Variants in KIRREL3 observed in about 807,000 individuals in gnomAD.
The protein encoded by KIRREL3 is kin of IRRE-like protein 3.
Under a neutral mutation model 89.7 loss-of-function variants are expected in KIRREL3, and 36 were observed. The ratio of observed to expected loss-of-function variants is 0.40; its 90% confidence interval spans 0.31 to 0.53. KIRREL3 has a LOEUF of 0.53. Ranked by LOEUF, KIRREL3 falls within the 20% of genes least tolerant of loss-of-function variation. KIRREL3 has a pLI of 0.49. For missense variants in KIRREL3, 864 were observed against 1,056.6 expected, an observed-to-expected ratio of 0.82 and a Z score of 2.53; for synonymous variants, 445 against 441.4, an observed-to-expected ratio of 1.01 and a Z score of -0.10.
Position 126,703,711 on chromosome 11 carries a change from C to T in KIRREL3, c.56-140799G>A, listed in dbSNP as rs1006889964. On this transcript the variant is annotated intron_variant, in intron 1 of 16. Transcript: ENST00000525144. This position sits in a 1 kb window ranked among gnomAD's most constrained non-coding sequence, Gnocchi z 4.6. ...GGGAGGCAGGACTCCTAAGCCTGGG[C>T]CCTCTGACTGCCTGGGCCAGTGTTT... 1.3e-5 allele frequency among the ~76,000 whole-genome samples: 2 copies of T among 152,150 alleles called. No individual in the cohort carries two copies. The highest frequency in any genetic ancestry group is 6.5e-5 in the Admixed American group (1 of 15,278).
In KIRREL3 at chr11:126,890,630, TC is replaced by T. The variant is rs1271573681; in HGVS notation, c.55+109824del. Among the ~76,000 whole-genome samples, 1 of 152,238 alleles carries T rather than the reference TC, an allele frequency of 6.6e-6. No homozygotes were observed. Among genetic ancestry groups the T allele is most frequent in the Non-Finnish European group, 1.5e-5 (1 of 68,040 alleles). On this transcript the variant is annotated intron_variant, in intron 1 of 16. Transcript: ENST00000525144. This position sits in a 1 kb window ranked among gnomAD's most constrained non-coding sequence, Gnocchi z 5.1. ...GGCTGCACATCCTGGCAAAAGGAGTTCATTTCGATGGCCAAGCAGCTTCTAT... is the reference window on the plus strand; with the variant it reads ...GGCTGCACATCCTGGCAAAAGGAGTTATTTCGATGGCCAAGCAGCTTCTAT...
Position 126,985,635 on chromosome 11 carries a change from G to A in KIRREL3, c.55+14820C>T, listed in dbSNP as rs559839913. ...AGGCACGAGGGAGCAGAGCACATTCGGACAATGTCAGCGGCTCCGTGTGTT... is the reference window on the plus strand; with the variant it reads ...AGGCACGAGGGAGCAGAGCACATTCAGACAATGTCAGCGGCTCCGTGTGTT... On this transcript the variant is annotated intron_variant, in intron 1 of 16. Coordinates refer to ENST00000525144, the MANE Select transcript of KIRREL3 (RefSeq NM_032531.4). The surrounding 1 kb of genome is among the most constrained non-coding windows in gnomAD (Gnocchi z 5.3). Among the ~76,000 whole-genome samples the A allele has an allele frequency of 3.3e-5, 5 of 152,232 alleles. No individual in the cohort carries two copies. Among genetic ancestry groups the A allele is most frequent in the Admixed American group, 2.0e-4 (3 of 15,300 alleles).
chr11:126,856,231 A>C (rs949747414), intron 1 of KIRREL3, among the ~76,000 whole-genome samples: 2 of 152,188 alleles, frequency 1.3e-5, no homozygotes, highest in Non-Finnish European at 2.9e-5. Flanking sequence ...TCTTCATTAA[A>C]ATACAAACAC....
chr11:126,954,071 T>C lies in KIRREL3; in HGVS notation c.55+46384A>G, dbSNP rs960842138. Reference sequence around the variant, plus strand: ...GTGCATGTGTACATGCGGGGTCTAATTCTCCCCAGGGTCGGTCTGTGAGCG... The same window carrying C: ...GTGCATGTGTACATGCGGGGTCTAACTCTCCCCAGGGTCGGTCTGTGAGCG... On this transcript the variant is annotated intron_variant, in intron 1 of 16. Coordinates refer to ENST00000525144, the MANE Select transcript of KIRREL3 (RefSeq NM_032531.4). The surrounding 1 kb of genome is among the most constrained non-coding windows in gnomAD (Gnocchi z 4.1). Among the ~76,000 whole-genome samples, 2 of 152,074 alleles carry C rather than the reference T, an allele frequency of 1.3e-5. No homozygotes were observed. The highest frequency in any genetic ancestry group is 2.9e-5 in the Non-Finnish European group (2 of 68,002).
intron 1 of KIRREL3, among the ~76,000 whole-genome samples, chr11:126,779,464 A>T (rs1406218191): frequency 6.6e-6 from 1 of 152,096 alleles, no homozygotes; most frequent in East Asian, 1.9e-4. Flanking sequence ...AGCCTTTTCT[A>T]CTTGTCCCAC....
At chr11:126,929,940 G>C (rs1383472579) in intron 1 of KIRREL3, among the ~76,000 whole-genome samples, 1 of 78,198 alleles carries the variant, frequency 1.3e-5, no homozygotes, top group Non-Finnish European at 2.5e-5. Context: ...GAGGGCTGTG[G>C]GGGAGCCACC....
In KIRREL3 at chr11:126,653,744, C is replaced by T. The variant is rs577939092; in HGVS notation, c.56-90832G>A. Among the ~76,000 whole-genome samples, 1 of 152,316 alleles carries T rather than the reference C, an allele frequency of 6.6e-6. No individual in the cohort carries two copies. The highest frequency in any genetic ancestry group is 2.1e-4 in the South Asian group (1 of 4,828). The stretch of plus-strand genomic sequence containing the variant: ...AAGGCTGAGGCCAAGCCCCAAAGTT[C>T]ACGGACATTCCATAAAAAGTGCACG... On this transcript the variant is annotated intron_variant, in intron 1 of 16. Transcript: ENST00000525144. This position sits in a 1 kb window ranked among gnomAD's most constrained non-coding sequence, Gnocchi z 5.4.
chr11:126,686,683 A>C lies in KIRREL3; in HGVS notation c.56-123771T>G, dbSNP rs1049705383. ...CAACCTCGGCCTCTCCAGTTCAAGC[A>C]GTTCTCCTGCCTCAGCCTCCCAAGT... is the stretch of plus-strand genomic sequence containing the variant. On this transcript the variant is annotated intron_variant, in intron 1 of 16. Transcript: ENST00000525144. The surrounding 1 kb of genome is among the most constrained non-coding windows in gnomAD (Gnocchi z 4.7). 1.3e-5 allele frequency among the ~76,000 whole-genome samples: 2 copies of C among 152,134 alleles called. No individual in the cohort carries two copies. Among genetic ancestry groups the C allele is most frequent in the Non-Finnish European group, 2.9e-5 (2 of 68,012 alleles).
At position 126,763,594 on chromosome 11, in the gene KIRREL3, C is replaced by T. The variant is rs1949729331; in HGVS notation, c.56-200682G>A. Among the ~76,000 whole-genome samples the T allele has an allele frequency of 6.6e-6, 1 of 152,136 alleles. No individual in the cohort carries two copies. The highest frequency in any genetic ancestry group is 1.5e-5 in the Non-Finnish European group (1 of 68,022). On this transcript the variant is annotated intron_variant, in intron 1 of 16. Transcript: ENST00000525144. The surrounding 1 kb of genome is among the most constrained non-coding windows in gnomAD (Gnocchi z 4.7). ...TGTGCCCAGGCTGAGGGACCAAGGCCCAGCGAGAGTAGGTGGTAGGTAGGC... is the reference window on the plus strand; with the variant it reads ...TGTGCCCAGGCTGAGGGACCAAGGCTCAGCGAGAGTAGGTGGTAGGTAGGC...
At position 127,000,705 on chromosome 11, in the gene KIRREL3, G is replaced by T; in HGVS notation, c.-196C>A. ...TGCAGCCAGCCGACACAAACTGCCT[G>T]TTCTTAGCCGCCTCGGGAAGCCGGG... On this transcript the variant is annotated 5_prime_UTR_variant, in exon 1 of 17. Transcript: ENST00000525144. The surrounding 1 kb of genome is among the most constrained non-coding windows in gnomAD (Gnocchi z 7.1). The T allele has an allele frequency of 1.8e-6, 1 of 542,772 alleles. No homozygotes were observed. Among genetic ancestry groups the T allele is most frequent in the Non-Finnish European group, 3.3e-6 (1 of 306,358 alleles). 33.6% of individuals were successfully genotyped at this position (542,772 alleles called of 1,614,324 possible). A position where few individuals can be genotyped will look rare whatever the true frequency, so the allele number is the denominator to read the frequency against.
intron 1 of KIRREL3, among the ~76,000 whole-genome samples, chr11:126,658,210 C>A (rs544579079): frequency 6.6e-6 from 1 of 152,190 alleles, no homozygotes; most frequent in Non-Finnish European, 1.5e-5. Context: ...TTTTGATGAT[C>A]TCGAATAATG....
intron 2 of KIRREL3, among the ~76,000 whole-genome samples, chr11:126,540,137 G>C (rs1565535352): frequency 6.6e-6 from 1 of 152,110 alleles, no homozygotes. Flanking sequence ...TTTCTCTATT[G>C]TCTGTTTCTC....
At chr11:126,934,716 A>T (rs1043072314) in intron 1 of KIRREL3, among the ~76,000 whole-genome samples, 16 of 152,344 alleles carry the variant, frequency 1.1e-4, no homozygotes, top group Middle Eastern at 3.4e-3. Context: ...CAAAATATAC[A>T]AAGAACTCTT....
chr11:126,834,905 A>G (rs974787116), intron 1 of KIRREL3, among the ~76,000 whole-genome samples: 5 of 152,238 alleles, frequency 3.3e-5, no homozygotes, highest in African/African-American at 1.2e-4. Context: ...CCATGCTCAG[A>G]GCGTGGCAGC....
intron 1 of KIRREL3, among the ~76,000 whole-genome samples, chr11:126,732,936 T>C (rs1208880812): frequency 1.3e-5 from 2 of 152,220 alleles, no homozygotes; most frequent in African/African-American, 2.4e-5. Context: ...TGCCCTCCCA[T>C]TGTATTCACA....
chr11:126,486,861 C>T lies in KIRREL3; in HGVS notation c.434-13395G>A, dbSNP rs755632964. Among the ~76,000 whole-genome samples the T allele has an allele frequency of 6.6e-6, 1 of 152,146 alleles. No homozygotes were observed. The highest frequency in any genetic ancestry group is 1.5e-5 in the Non-Finnish European group (1 of 68,034). Reference sequence around the variant, plus strand: ...AATAGCATCAAGGCAGCCATCCTGACCCAGCAAAGGGCCAGGCAGGGACTT... The same window carrying T: ...AATAGCATCAAGGCAGCCATCCTGATCCAGCAAAGGGCCAGGCAGGGACTT... On this transcript the variant is annotated intron_variant, in intron 4 of 16. Coordinates refer to ENST00000525144, the MANE Select transcript of KIRREL3 (RefSeq NM_032531.4). The surrounding 1 kb of genome is among the most constrained non-coding windows in gnomAD (Gnocchi z 6.2).
chr11:126,457,335 A>G (rs909329759), intron 6 of KIRREL3, among the ~76,000 whole-genome samples: 6 of 144,538 alleles, frequency 4.2e-5, no homozygotes, highest in South Asian at 2.3e-4. Flanking sequence ...GTGTATGTGT[A>G]TATGTGTGTG....
rs866597650 is a variant in KIRREL3 at position 126,576,898 on chromosome 11, A to G, written c.56-13986T>C. 2.0e-5 allele frequency among the ~76,000 whole-genome samples: 3 copies of G among 152,148 alleles called. No homozygotes were observed. Among genetic ancestry groups the G allele is most frequent in the Non-Finnish European group, 4.4e-5 (3 of 68,024 alleles). On this transcript the variant is annotated intron_variant, in intron 1 of 16. Transcript: ENST00000525144. The surrounding 1 kb of genome is among the most constrained non-coding windows in gnomAD (Gnocchi z 5.4). Reference sequence around the variant, plus strand: ...CTGCTATCTGCTGGGCACTTTACACACACACAGTTATGCCATTTAGTCCAC... The same window carrying G: ...CTGCTATCTGCTGGGCACTTTACACGCACACAGTTATGCCATTTAGTCCAC...
chr11:126,792,840 TA>T (rs1950688330), intron 1 of KIRREL3, among the ~76,000 whole-genome samples: 1 of 152,160 alleles, frequency 6.6e-6, no homozygotes, highest in Non-Finnish European at 1.5e-5. Flanking sequence ...TGTTTAGGGA[TA>T]TACACGTGTG....
Sources: gnomAD v4.1 joint callset for allele counts (sites outside exome capture counted in the v4.1 genomes callset) on GRCh38, gnomAD v4.1.1 for gene constraint, Gnocchi (gnomAD v3.1) non-coding constraint, MANE v1.5 for transcripts, NCBI Gene and HGNC (gene_info 2026-07-23, HGNC 2026-07-21) for gene names.